The following KCNH7 variants were observed in gnomAD, a reference collection of about 807,000 sequenced individuals.
KCNH7 encodes the protein voltage-gated inwardly rectifying potassium channel KCNH7.
In KCNH7, 49 loss-of-function variants were observed where a neutral mutation model predicts 120.8. That is an observed-to-expected ratio of 0.41 (90% confidence interval 0.32 to 0.51). KCNH7 has a LOEUF of 0.51. KCNH7 is among the 20% of genes least tolerant of loss of function. The pLI, the probability that KCNH7 is intolerant of heterozygous loss-of-function variation, is 0.38. For synonymous variants in KCNH7, 547 were observed against 516.1 expected (o/e 1.06, Z -0.81); for missense variants, 1,097 against 1,446.6 (o/e 0.76, Z 3.92).
At chr2:162,444,817 A>T (rs1010570918) in intron 7 of KCNH7, among the ~76,000 whole-genome samples, 1 of 152,154 alleles carries the variant, frequency 6.6e-6, no homozygotes, top group Non-Finnish European at 1.5e-5. Flanking sequence ...TAAAACCCAA[A>T]GTTAGGAGTA....
chr2:162,662,010 T>C (rs1458288229), intron 2 of KCNH7, among the ~76,000 whole-genome samples: 1 of 152,174 alleles, frequency 6.6e-6, no homozygotes, highest in African/African-American at 2.4e-5. Flanking sequence ...ACGCCTCTAA[T>C]CCCAGCACTT....
intron 2 of KCNH7, among the ~76,000 whole-genome samples, chr2:162,572,184 T>A (rs1437751275): frequency 6.6e-6 from 1 of 151,812 alleles, no homozygotes; most frequent in Non-Finnish European, 1.5e-5. Context: ...TATAATGAGC[T>A]CCAACAAATT....
chr2:162,541,504 T>A (rs535479796), intron 2 of KCNH7, among the ~76,000 whole-genome samples: 1 of 152,076 alleles, frequency 6.6e-6, no homozygotes, highest in Non-Finnish European at 1.5e-5. Flanking sequence ...TGGAATATTA[T>A]GCAGCCAAAA....
At chr2:162,685,667 A>T (rs1685865090) in intron 2 of KCNH7, among the ~76,000 whole-genome samples, 1 of 151,950 alleles carries the variant, frequency 6.6e-6, no homozygotes, top group Non-Finnish European at 1.5e-5. Flanking sequence ...ATTACGTTTT[A>T]CAGCAGTGAT....
At chr2:162,487,996 C>A (rs1414450926) in intron 6 of KCNH7, among the ~76,000 whole-genome samples, 1 of 152,194 alleles carries the variant, frequency 6.6e-6, no homozygotes, top group Non-Finnish European at 1.5e-5. Flanking sequence ...TCTCATTAGG[C>A]AACCCACCTT....
intron 5 of KCNH7, among the ~76,000 whole-genome samples, chr2:162,508,556 T>G (rs1198331890): frequency 6.6e-6 from 1 of 151,484 alleles, no homozygotes; most frequent in African/African-American, 2.4e-5. Flanking sequence ...TTCAAGATGA[T>G]CAGTGTTGGC....
At chr2:162,662,696 A>C (rs1192820426) in intron 2 of KCNH7, among the ~76,000 whole-genome samples, 2 of 152,096 alleles carry the variant, frequency 1.3e-5, no homozygotes, top group Non-Finnish European at 2.9e-5. Context: ...GATCTCAGTA[A>C]ACTGTACTCT....
intron 2 of KCNH7, among the ~76,000 whole-genome samples, chr2:162,649,926 A>G (rs904110038): frequency 6.6e-6 from 1 of 152,224 alleles, no homozygotes; most frequent in Admixed American, 6.5e-5. Flanking sequence ...AAGACAGTTA[A>G]TATATTCCTA....
At chr2:162,630,905 TC>T (rs1683743131) in intron 2 of KCNH7, among the ~76,000 whole-genome samples, 1 of 152,020 alleles carries the variant, frequency 6.6e-6, no homozygotes, top group African/African-American at 2.4e-5. Context: ...GCCAGTCTAA[TC>T]TCCCCGATCA....
At chr2:162,533,100 G>C (rs1379434041) in intron 3 of KCNH7, among the ~76,000 whole-genome samples, 2 of 151,838 alleles carry the variant, frequency 1.3e-5, no homozygotes, top group Admixed American at 1.3e-4. Context: ...CTGAGGAAAA[G>C]AGGAAAGAGT....
intron 10 of KCNH7, 146 bp from the exon 11 acceptor site, chr2:162,397,091 C>T (rs992272633): frequency 1.6e-6 from 1 of 622,330 alleles, no homozygotes; most frequent in African/African-American, 1.8e-5. Flanking sequence ...ACTAAATGCC[C>T]ATACCATGTT....
chr2:162,679,975 C>A (rs1341569153), intron 2 of KCNH7, among the ~76,000 whole-genome samples: 2 of 151,764 alleles, frequency 1.3e-5, no homozygotes, highest in African/African-American at 4.8e-5. Flanking sequence ...TTTAAATCTG[C>A]TGCAGAAACT....
intron 8 of KCNH7, among the ~76,000 whole-genome samples, chr2:162,428,600 A>G (rs142210775): frequency 4.6e-5 from 7 of 151,994 alleles, no homozygotes; most frequent in Non-Finnish European, 8.8e-5. Context: ...TATTTATTCT[A>G]TAAAACGCTG....
chr2:162,720,450 G>A (rs941161976), intron 2 of KCNH7, among the ~76,000 whole-genome samples: 49 of 151,960 alleles, frequency 3.2e-4, no homozygotes, highest in African/African-American at 1.1e-3. Context: ...TGGTAGTGGC[G>A]TGCTCACAGG....
At chr2:162,586,376 G>A (rs963302506) in intron 2 of KCNH7, among the ~76,000 whole-genome samples, 1 of 151,986 alleles carries the variant, frequency 6.6e-6, no homozygotes, top group Non-Finnish European at 1.5e-5. Context: ...TGAACCACGT[G>A]GGGAGAAAGG....
chr2:162,603,360 A>C (rs1445255133), intron 2 of KCNH7, among the ~76,000 whole-genome samples: 3 of 152,030 alleles, frequency 2.0e-5, no homozygotes, highest in Non-Finnish European at 4.4e-5. Context: ...TTGTTCCCTC[A>C]TTCTCATTTG....
intron 9 of KCNH7, among the ~76,000 whole-genome samples, chr2:162,422,236 T>C (rs1043272694): frequency 6.6e-6 from 1 of 152,142 alleles, no homozygotes. Context: ...AATATTACTT[T>C]CAAATTGGGC....
intron 2 of KCNH7, among the ~76,000 whole-genome samples, chr2:162,616,581 G>C (rs1005315560): frequency 1.3e-5 from 2 of 152,018 alleles, no homozygotes; most frequent in African/African-American, 4.8e-5. Context: ...TTCCTGCACC[G>C]TCAACTGTCC....
chr2:162,727,573 A>G (rs1253908040), intron 2 of KCNH7, among the ~76,000 whole-genome samples: 1 of 152,158 alleles, frequency 6.6e-6, no homozygotes, highest in Non-Finnish European at 1.5e-5. Context: ...TATACATAGA[A>G]TACTACTGAC....
Sources: allele counts gnomAD v4.1 joint callset (sites outside exome capture counted in the v4.1 genomes callset), GRCh38; gene constraint gnomAD v4.1.1; transcripts MANE v1.5; gene names NCBI Gene and HGNC (gene_info 2026-07-23, HGNC 2026-07-21).